Variants in TMEM132B observed in about 807,000 individuals in gnomAD.
TMEM132B encodes transmembrane protein 132B.
In TMEM132B, 18 loss-of-function variants were observed where a neutral mutation model predicts 90.8. The ratio of observed to expected loss-of-function variants is 0.20; its 90% CI spans 0.14 to 0.29. The LOEUF is 0.29. Ranked by LOEUF, TMEM132B falls within the 10% of genes least tolerant of loss-of-function variation. TMEM132B has a pLI of 1.00. For missense variants in TMEM132B, 1,096 were observed against 1,326.8 expected (o/e 0.83, Z 2.70); for synonymous variants, 504 against 523.3 (o/e 0.96, Z 0.50).
At chr12:125,198,856 C>A (rs1005068422) in intron 1 of TMEM132B, among the ~76,000 whole-genome samples, 5 of 152,206 alleles carry the variant, frequency 3.3e-5, no homozygotes, top group Non-Finnish European at 5.9e-5. Context: ...CCCCTGGAGG[C>A]TGCCCTTTGA....
At chr12:125,446,549 C>G (rs929180104) in intron 3 of TMEM132B, among the ~76,000 whole-genome samples, 1 of 152,090 alleles carries the variant, frequency 6.6e-6, no homozygotes, top group Non-Finnish European at 1.5e-5. Flanking sequence ...TTAGTCTCTT[C>G]TAGACTCCTT....
intron 2 of TMEM132B, among the ~76,000 whole-genome samples, chr12:125,367,309 T>G (rs1375024479): frequency 4.6e-5 from 7 of 152,166 alleles, no homozygotes; most frequent in Admixed American, 2.0e-4. Context: ...TTCCAGTAAG[T>G]GTTGTTTCTT....
chr12:125,333,842 T>G (rs891422344), intron 1 of TMEM132B, among the ~76,000 whole-genome samples: 5 of 152,246 alleles, frequency 3.3e-5, no homozygotes, highest in Non-Finnish European at 5.9e-5. Flanking sequence ...ACCCAGATAC[T>G]GTCCCTGGAG....
chr12:125,238,470 TC>T (rs1873993219), intron 1 of TMEM132B, among the ~76,000 whole-genome samples: 1 of 152,200 alleles, frequency 6.6e-6, no homozygotes, highest in Non-Finnish European at 1.5e-5. Flanking sequence ...TGTTCCCTTT[TC>T]TTCAAGCTTT....
intron 5 of TMEM132B, among the ~76,000 whole-genome samples, chr12:125,612,635 ATGACAACTATATATACT>A (rs1412486050): frequency 7.0e-6 from 1 of 143,562 alleles, no homozygotes; most frequent in African/African-American, 2.5e-5. Context: ...AGACAACAGT[ATGACAACTATATATACT>A]TGTCATACTG....
At chr12:125,319,135 GT>G (rs1442241360) in intron 1 of TMEM132B, among the ~76,000 whole-genome samples, 7 of 152,194 alleles carry the variant, frequency 4.6e-5, no homozygotes, top group African/African-American at 1.7e-4. Context: ...CTGAATGTCA[GT>G]TTCCTCAATT....
At chr12:125,357,334 A>G (rs1877812235) in intron 2 of TMEM132B, among the ~76,000 whole-genome samples, 1 of 152,216 alleles carries the variant, frequency 6.6e-6, no homozygotes, top group African/African-American at 2.4e-5. Context: ...AACTTGAGTA[A>G]TTCATACACT....
chr12:125,620,321 A>C (rs1219901648), intron 5 of TMEM132B, among the ~76,000 whole-genome samples: 1 of 152,242 alleles, frequency 6.6e-6, no homozygotes, highest in African/African-American at 2.4e-5. Context: ...TGCTTGGGAC[A>C]AAGCTGAGTA....
At chr12:125,526,030 G>A (rs1883446599) in intron 4 of TMEM132B, among the ~76,000 whole-genome samples, 1 of 152,182 alleles carries the variant, frequency 6.6e-6, no homozygotes, top group Admixed American at 6.5e-5. Context: ...ACTGTGTAAG[G>A]AGTGGGAGGT....
intron 2 of TMEM132B, among the ~76,000 whole-genome samples, chr12:125,358,150 G>A (rs868761864): frequency 6.6e-6 from 1 of 152,174 alleles, no homozygotes; most frequent in African/African-American, 2.4e-5. Flanking sequence ...TCTCTATGGG[G>A]GGGAGACAGC....
intron 1 of TMEM132B, among the ~76,000 whole-genome samples, chr12:125,226,545 C>T (rs1873685027): frequency 1.3e-5 from 2 of 152,230 alleles, no homozygotes; most frequent in Admixed American, 1.3e-4. Flanking sequence ...TTGTGGTTCT[C>T]ATGTCTACTT....
At chr12:125,624,097 C>A (rs878943081) in intron 5 of TMEM132B, among the ~76,000 whole-genome samples, 1 of 152,212 alleles carries the variant, frequency 6.6e-6, no homozygotes, top group Admixed American at 6.5e-5. Context: ...GAACGCTGAG[C>A]AAACCAACAG....
chr12:125,303,453 G>A (rs2136165958), intron 1 of TMEM132B, among the ~76,000 whole-genome samples: 1 of 152,272 alleles, frequency 6.6e-6, no homozygotes, highest in East Asian at 1.9e-4. Flanking sequence ...GAGCATTCAT[G>A]GCCAAGTATC....
At chr12:125,480,090 C>A (rs891855556) in intron 3 of TMEM132B, among the ~76,000 whole-genome samples, 1 of 152,200 alleles carries the variant, frequency 6.6e-6, no homozygotes, top group African/African-American at 2.4e-5. Context: ...ACCAGAATCT[C>A]TGGGACACAT....
intron 2 of TMEM132B, among the ~76,000 whole-genome samples, chr12:125,398,497 G>A (rs2136315557): frequency 6.6e-6 from 1 of 152,362 alleles, no homozygotes; most frequent in East Asian, 1.9e-4. Flanking sequence ...CCAGCAGTCA[G>A]CCTCAGTGTC....
intron 4 of TMEM132B, among the ~76,000 whole-genome samples, chr12:125,558,084 G>A (rs1052435366): frequency 4.6e-5 from 7 of 152,170 alleles, no homozygotes; most frequent in South Asian, 2.1e-4. Flanking sequence ...CCAATCATCC[G>A]TCCTTCGTTT....
At position 125,267,578 on chromosome 12, in the gene TMEM132B, G is replaced by C. The variant is rs545520184; in HGVS notation, c.67+80712G>C. Among the ~76,000 whole-genome samples, 49 of 152,270 alleles carry C rather than the reference G, an allele frequency of 3.2e-4. 1 individual carries two copies. In the South Asian group the frequency reaches 3.9e-3, roughly 12 times the overall value. On this transcript the variant is annotated intron_variant, in intron 1 of 8. Coordinates refer to ENST00000682704, the MANE Select transcript of TMEM132B (RefSeq NM_001366854.1). ...CTTCTGATAGGCACATTGTCACACAGAAATGTTTCTCTACTATACAGAAAC... is the reference window on the plus strand; with the variant it reads ...CTTCTGATAGGCACATTGTCACACACAAATGTTTCTCTACTATACAGAAAC...
chr12:125,200,384 T>C (rs544041518), intron 1 of TMEM132B, among the ~76,000 whole-genome samples: 1 of 152,196 alleles, frequency 6.6e-6, no homozygotes, highest in Non-Finnish European at 1.5e-5. Context: ...ATCCCATTGT[T>C]TTAAGTTTGT....
intron 6 of TMEM132B, among the ~76,000 whole-genome samples, chr12:125,649,349 A>C (rs923767041): frequency 1.3e-5 from 2 of 152,236 alleles, no homozygotes; most frequent in Non-Finnish European, 2.9e-5. Flanking sequence ...AACATGTTTC[A>C]TAGCTGTTGT....
Sources: allele counts gnomAD v4.1 joint callset (sites outside exome capture counted in the v4.1 genomes callset), GRCh38; gene constraint gnomAD v4.1.1; transcripts MANE v1.5; gene names NCBI Gene and HGNC (gene_info 2026-07-23, HGNC 2026-07-21).